Variants in MAN1C1 observed in about 807,000 individuals in gnomAD.
MAN1C1 encodes mannosyl-oligosaccharide 1,2-alpha-mannosidase IC.
A neutral mutation model predicts 71.5 loss-of-function variants in MAN1C1; 49 were observed. That is an observed-to-expected ratio of 0.69 (90% CI 0.54 to 0.87). MAN1C1 has a LOEUF of 0.87. Among genes scored for constraint, MAN1C1 ranks in the 40% least tolerant of loss-of-function variants. MAN1C1 has a pLI of 0.00. For missense variants in MAN1C1, 743 were observed against 835.0 expected (o/e 0.89, Z 1.36); for synonymous variants, 352 against 343.7 (o/e 1.02, Z -0.27).
chr1:25,640,976 C>T (rs1250914816), intron 1 of MAN1C1, among the ~76,000 whole-genome samples: 1 of 152,148 alleles, frequency 6.6e-6, no homozygotes, highest in East Asian at 1.9e-4. Flanking sequence ...TGCTGTTCAA[C>T]TTGGCGCTAA....
At chr1:25,766,545 T>C (rs1365674789) in intron 7 of MAN1C1, among the ~76,000 whole-genome samples, 1 of 152,116 alleles carries the variant, frequency 6.6e-6, no homozygotes, top group African/African-American at 2.4e-5. Context: ...TAGGACTGCA[T>C]CTCAGTTACC....
At chr1:25,704,404 A>T (rs867719292) in intron 2 of MAN1C1, among the ~76,000 whole-genome samples, 6 of 152,334 alleles carry the variant, frequency 3.9e-5, no homozygotes, top group African/African-American at 1.4e-4. Flanking sequence ...CTATCCTTAG[A>T]CCCAATCCCA....
At chr1:25,696,797 C>T (rs1369210662) in intron 2 of MAN1C1, among the ~76,000 whole-genome samples, 2 of 152,112 alleles carry the variant, frequency 1.3e-5, no homozygotes, top group Non-Finnish European at 2.9e-5. Flanking sequence ...AAGCACGGGA[C>T]ACCACGCCTG....
intron 2 of MAN1C1, among the ~76,000 whole-genome samples, chr1:25,703,339 G>A (rs889981690): frequency 6.6e-6 from 1 of 152,238 alleles, no homozygotes; most frequent in Non-Finnish European, 1.5e-5. Flanking sequence ...TGAGGCGTGA[G>A]TGGAGCCGGC....
intron 2 of MAN1C1, among the ~76,000 whole-genome samples, chr1:25,692,527 C>G (rs544473962): frequency 2.0e-5 from 3 of 152,118 alleles, no homozygotes; most frequent in Non-Finnish European, 4.4e-5. Context: ...AGCTGTATTC[C>G]CTTTGTCTGC....
chr1:25,701,379 T>G (rs2046441205), intron 2 of MAN1C1, among the ~76,000 whole-genome samples: 1 of 152,232 alleles, frequency 6.6e-6, no homozygotes, highest in Non-Finnish European at 1.5e-5. Flanking sequence ...CCTGTGAGTT[T>G]CATGTGTTGC....
intron 2 of MAN1C1, among the ~76,000 whole-genome samples, chr1:25,728,683 C>T (rs1407520771): frequency 6.6e-6 from 1 of 152,136 alleles, no homozygotes; most frequent in Non-Finnish European, 1.5e-5. Flanking sequence ...TTTTTATGGG[C>T]CAGGCCTCAA....
At chr1:25,672,600 T>C (rs2046007561) in intron 1 of MAN1C1, among the ~76,000 whole-genome samples, 1 of 152,154 alleles carries the variant, frequency 6.6e-6, no homozygotes, top group African/African-American at 2.4e-5. Flanking sequence ...GTCCTACTTA[T>C]AAGGACCCTT....
At chr1:25,707,109 A>G (rs2046534348) in intron 2 of MAN1C1, among the ~76,000 whole-genome samples, 1 of 152,230 alleles carries the variant, frequency 6.6e-6, no homozygotes, top group Non-Finnish European at 1.5e-5. Flanking sequence ...AACTAATCAC[A>G]TGAGTTATTT....
chr1:25,744,059 G>A (rs2047095760), intron 2 of MAN1C1, among the ~76,000 whole-genome samples: 1 of 152,184 alleles, frequency 6.6e-6, no homozygotes, highest in Admixed American at 6.5e-5. Flanking sequence ...ACAATGAAGG[G>A]GTAGGGGCAG....
At chr1:25,771,038 G>A (rs1362841096) in intron 7 of MAN1C1, among the ~76,000 whole-genome samples, 2 of 152,356 alleles carry the variant, frequency 1.3e-5, no homozygotes, top group Admixed American at 1.3e-4. Context: ...GCCACAGCCT[G>A]TGAGGCCCTG....
intron 1 of MAN1C1, among the ~76,000 whole-genome samples, chr1:25,657,460 C>T (rs1361840379): frequency 2.6e-5 from 4 of 152,188 alleles, no homozygotes; most frequent in African/African-American, 7.2e-5. Flanking sequence ...CTCTTGCAGC[C>T]GGAGGTGCCT....
intron 8 of MAN1C1, 58 bp downstream of exon 8, chr1:25,771,830 C>A: frequency 1.4e-6 from 2 of 1,432,226 alleles, no homozygotes; most frequent in Non-Finnish European, 2.0e-6. Context: ...GGCTCTCTCA[C>A]GGCCGAGCGA....
intron 1 of MAN1C1, among the ~76,000 whole-genome samples, chr1:25,652,016 A>G (rs984029887): frequency 1.3e-5 from 2 of 152,078 alleles, no homozygotes; most frequent in Middle Eastern, 3.2e-3. Flanking sequence ...TGGGAACCCA[A>G]ACTCTCCTGC....
At position 25,753,991 on chromosome 1, in the gene MAN1C1, G is replaced by A. The variant is rs78001781; in HGVS notation, c.929+413G>A. On this transcript the variant is annotated intron_variant, in intron 5 of 11. Transcript: ENST00000374332. The surrounding 1 kb of genome is among the most constrained non-coding windows in gnomAD (Gnocchi z 4.9). ...CACTCTCTTCCCCCGCTGGGGTTCC[G>A]GAGCCAGCAGGCACATCACACCATC... Among the ~76,000 whole-genome samples the A allele has an allele frequency of 2.0e-5, 3 of 152,060 alleles. No individual in the cohort carries two copies. Among genetic ancestry groups the A allele is most frequent in the Non-Finnish European group, 2.9e-5 (2 of 67,988 alleles).
intron 2 of MAN1C1, among the ~76,000 whole-genome samples, chr1:25,734,881 G>T (rs1044002954): frequency 6.6e-6 from 1 of 152,228 alleles, no homozygotes; most frequent in Admixed American, 6.5e-5. Flanking sequence ...TGATATAAAC[G>T]TTCAGAGGAG....
At chr1:25,668,008 T>G (rs562883118) in intron 1 of MAN1C1, among the ~76,000 whole-genome samples, 1 of 152,332 alleles carries the variant, frequency 6.6e-6, no homozygotes, top group Admixed American at 6.5e-5. Context: ...CCGGTCTGTT[T>G]ACTGCTTTGG....
chr1:25,672,614 A>C lies in MAN1C1; in HGVS notation c.541-13826A>C, dbSNP rs2046007688. 2.0e-5 allele frequency among the ~76,000 whole-genome samples: 3 copies of C among 152,168 alleles called. No individual in the cohort carries two copies. In the South Asian group the frequency reaches 6.2e-4, roughly 32 times the overall value. On this transcript the variant is annotated intron_variant, in intron 1 of 11. Coordinates refer to ENST00000374332, the MANE Select transcript of MAN1C1 (RefSeq NM_020379.4). ...TGTCCTACTTATAAGGACCCTTCTG[A>C]TTGTACTGGGCCCACCCCGATAATC...
chr1:25,781,052 G>A lies in MAN1C1; in HGVS notation c.1590G>A (p.Met530Ile). The A allele has an allele frequency of 6.2e-7, 1 of 1,614,116 alleles. No individual in the cohort carries two copies. The highest frequency in any genetic ancestry group is 1.1e-5 in the South Asian group (1 of 91,076). Residue 530 changes from methionine (M) to isoleucine (I), a missense_variant, in exon 10 of 12, where the codon ATG (methionine) becomes ATA (isoleucine). Physicochemically the swap from Met to Ile is conservative, Grantham distance 10. Transcript: ENST00000374332. Reference sequence around the variant, plus strand: ...GGCCAGAGGTGGTGGAGAGCTACATGTACCTGTGGCGACAGACCCACAACC... The same window carrying A: ...GGCCAGAGGTGGTGGAGAGCTACATATACCTGTGGCGACAGACCCACAACC... ...ILRPEVVESY[M>I]YLWRQTHNPI...
Sources: gnomAD v4.1 joint callset for allele counts (sites outside exome capture counted in the v4.1 genomes callset) on GRCh38, gnomAD v4.1.1 for gene constraint, Gnocchi (gnomAD v3.1) non-coding constraint, MANE v1.5 for transcripts, NCBI Gene and HGNC (gene_info 2026-07-23, HGNC 2026-07-21) for gene names.